SEPTIN1: variants seen among roughly 807,000 people sequenced by gnomAD.
The protein encoded by SEPTIN1 is septin-1.
SEPTIN1 carries 52 observed loss-of-function variants against 50.7 expected under a neutral mutation model. The observed-to-expected ratio is 1.03, with a 90% CI of 0.82 to 1.29. The LOEUF (loss-of-function observed/expected upper bound fraction) is 1.29, where lower values mean the gene tolerates loss of function less well. SEPTIN1 is among the 50% of genes most tolerant of loss of function. SEPTIN1 has a pLI of 0.00. For missense variants in SEPTIN1, 455 were observed against 490.7 expected (o/e 0.93, Z 0.69); for synonymous variants, 204 against 189.1 (o/e 1.08, Z -0.65).
intron 7 of SEPTIN1, 29 bp downstream of exon 7, chr16:30,379,903 G>A (rs369810763): frequency 1.4e-4 from 182 of 1,272,422 alleles, no homozygotes; most frequent in Non-Finnish European, 1.8e-4. Context: ...CACCGTGCCC[G>A]GCCTGCCTTC....
Position 30,382,106 on chromosome 16 carries a change from C to T in SEPTIN1, c.183G>A (p.Val61=), listed in dbSNP as rs1230337167. 1.3e-6 allele frequency: 2 copies of T among 1,580,556 alleles called. No homozygotes were observed. Among genetic ancestry groups the T allele is most frequent in the African/African-American group, 1.4e-5 (1 of 73,986 alleles). ...FLTNLYEDRQ[V]PEASARLTQT... is the part of the protein sequence containing the mutation. The stretch of plus-strand genomic sequence containing the variant: ...GGAGGGTCTTACCACTGGCCTCTGG[C>T]ACCTGGCGATCCTCATAGAGGTTGG... The change falls in exon 3 of 11, where the codon GTG becomes GTA. Residue 61 remains valine, a synonymous_variant. Transcript: ENST00000321367. This position sits in a 1 kb window ranked among gnomAD's most constrained non-coding sequence, Gnocchi z 4.8.
rs778464897 is a variant in SEPTIN1 at position 30,380,047 on chromosome 16, G to T, written c.574-14C>A. The T allele has an allele frequency of 3.1e-6, 5 of 1,602,902 alleles. No individual in the cohort carries two copies. The Admixed American group carries it at 6.8e-5, about 22-fold the overall frequency. On this transcript the variant is annotated splice_polypyrimidine_tract_variant and intron_variant, in intron 6 of 10. Coordinates refer to ENST00000321367, the MANE Select transcript of SEPTIN1 (RefSeq NM_001365977.2). ...CTGATCCCGGATCTCAGGGGAAACA[G>T]ATATAGAGACAGTGTGAAACGGGCC...
chr16:30,380,139 A>G (rs1323576888), intron 6 of SEPTIN1, 106 bp from the exon 7 acceptor site: 7 of 879,152 alleles, frequency 8.0e-6, no homozygotes, highest in Non-Finnish European at 1.2e-5. Flanking sequence ...AGAGACAGAG[A>G]GAAAGACATG....
Position 30,381,570 on chromosome 16 carries a change from GCTCC to G in SEPTIN1, c.321-101_321-98del. Reference sequence around the variant, plus strand: ...GTGGGAGTAGAATGTCATTTCTTTGGCTCCCTCCAAAGACATTAAGGGGAACTGG... The same window carrying G: ...GTGGGAGTAGAATGTCATTTCTTTGGCTCCAAAGACATTAAGGGGAACTGG... On this transcript the variant is annotated intron_variant, in intron 4 of 10. Transcript: ENST00000321367. The surrounding 1 kb of genome is among the most constrained non-coding windows in gnomAD (Gnocchi z 4.3). The G allele has an allele frequency of 1.3e-6, 2 of 1,528,800 alleles. No homozygotes were observed. The highest frequency in any genetic ancestry group is 1.2e-5 in the South Asian group (1 of 84,962). 94.7% of individuals were successfully genotyped at this position (1,528,800 alleles called of 1,614,324 possible). A position where few individuals can be genotyped will look rare whatever the true frequency, so the allele number is the denominator to read the frequency against.
chr16:30,382,596 C>T (rs111542325), upstream of SEPTIN1: 29 of 1,559,964 alleles, frequency 1.9e-5, no homozygotes, highest in African/African-American at 6.8e-5. The surrounding 1 kb of genome is among the most constrained non-coding windows in gnomAD (Gnocchi z 4.8). Flanking sequence ...AAGCTGAGTG[C>T]GGCTAACAAG....
In SEPTIN1 at chr16:30,381,860, T is replaced by A. The variant is rs776374131; in HGVS notation, c.220A>T (p.Ile74Phe). The A allele has an allele frequency of 2.8e-5, 46 of 1,614,096 alleles. No homozygotes were observed. Among genetic ancestry groups the A allele is most frequent in the Non-Finnish European group, 3.8e-5 (45 of 1,179,998 alleles). Residue 74 changes from isoleucine to phenylalanine, a missense_variant, in exon 4 of 11, where the codon ATT (isoleucine) becomes TTT (phenylalanine). Physicochemically the swap from Ile to Phe is conservative, Grantham distance 21. Coordinates refer to ENST00000321367, the MANE Select transcript of SEPTIN1 (RefSeq NM_001365977.2). The surrounding 1 kb of genome is among the most constrained non-coding windows in gnomAD (Gnocchi z 4.3). ...ASARLTQTLA[I>F]ERRGVEIEEG... ...TCAATCTCTACGCCCCGGCGCTCAA[T>A]GGCCAGGGTCTGTGTCAAGCGAGCT...
chr16:30,381,939 TC>T lies in SEPTIN1; in HGVS notation c.197-57del. ...GGGAGGCTCTGAGGCAGAATTAATTTCCTTTGTCAATATCACAGTTGCCTGC... is the reference window on the plus strand; with the variant it reads ...GGGAGGCTCTGAGGCAGAATTAATTTCTTTGTCAATATCACAGTTGCCTGC... On this transcript the variant is annotated intron_variant, in intron 3 of 10. Transcript: ENST00000321367. This position sits in a 1 kb window ranked among gnomAD's most constrained non-coding sequence, Gnocchi z 4.3. 6.2e-7 allele frequency: 1 copy of T among 1,610,114 alleles called. No individual in the cohort carries two copies. The highest frequency in any genetic ancestry group is 2.2e-5 in the East Asian group (1 of 44,852).
In SEPTIN1 at chr16:30,381,653, CAG is replaced by C; in HGVS notation, c.320+105_320+106del. 1.3e-6 allele frequency: 2 copies of C among 1,539,158 alleles called. No individual in the cohort carries two copies. Among genetic ancestry groups the C allele is most frequent in the Non-Finnish European group, 1.8e-6 (2 of 1,138,204 alleles). ...ACAGGGACCCAGTGGCCCTCTGAAA[CAG>C]ACACCACCTTTTGAGATAGGGAGCC... On this transcript the variant is annotated intron_variant, in intron 4 of 10. Transcript: ENST00000321367. This position sits in a 1 kb window ranked among gnomAD's most constrained non-coding sequence, Gnocchi z 4.3.
Position 30,378,457 on chromosome 16 carries a change from C to T in SEPTIN1, c.1096G>A (p.Gly366Ser), listed in dbSNP as rs754556921. 5.7e-6 allele frequency: 9 copies of T among 1,574,892 alleles called. No homozygotes were observed. Among genetic ancestry groups the T allele is most frequent in the Non-Finnish European group, 5.1e-6 (6 of 1,165,864 alleles). Residue 366 changes from glycine (G) to serine (S), a missense_variant, in exon 11 of 11, where the codon GGC (glycine) becomes AGC (serine). Gly to Ser is a moderately conservative substitution (Grantham distance 56, BLOSUM62 0). Transcript: ENST00000321367. The part of the protein sequence containing the change: ...QAQMQQSQAQ[G>S]EQSDAL Reference sequence around the variant, plus strand: ...CCTCAGAGGGCGTCTGACTGCTCGCCCTGGGCCTGGCTCTGCTGCATTTGG... The same window carrying T: ...CCTCAGAGGGCGTCTGACTGCTCGCTCTGGGCCTGGCTCTGCTGCATTTGG...
chr16:30,381,112 G>A lies in SEPTIN1; in HGVS notation c.573+15C>T, dbSNP rs2049841026. On this transcript the variant is annotated intron_variant, in intron 6 of 10. Coordinates refer to ENST00000321367, the MANE Select transcript of SEPTIN1 (RefSeq NM_001365977.2). This position sits in a 1 kb window ranked among gnomAD's most constrained non-coding sequence, Gnocchi z 4.3. Reference sequence around the variant, plus strand: ...GCTTCACATGGGGTCAAAGGTCAGAGGTCATCACTCACACCTTCTGCTTGA... The same window carrying A: ...GCTTCACATGGGGTCAAAGGTCAGAAGTCATCACTCACACCTTCTGCTTGA... 1.3e-6 allele frequency: 2 copies of A among 1,593,678 alleles called. No individual in the cohort carries two copies. The highest frequency in any genetic ancestry group is 8.6e-7 in the Non-Finnish European group (1 of 1,161,354).
In SEPTIN1 at chr16:30,381,002, A is replaced by G. The variant is rs2049839234; in HGVS notation, c.573+125T>C. ...CGGCTTACCACCCGCCTTCCTCAGAAGCTTCTCCTACAATCTAGCCTGATG... is the reference window on the plus strand; with the variant it reads ...CGGCTTACCACCCGCCTTCCTCAGAGGCTTCTCCTACAATCTAGCCTGATG... On this transcript the variant is annotated intron_variant, in intron 6 of 10. Transcript: ENST00000321367. The surrounding 1 kb of genome is among the most constrained non-coding windows in gnomAD (Gnocchi z 4.3). 6 of 820,144 alleles carry G rather than the reference A, an allele frequency of 7.3e-6. No homozygotes were observed. The highest frequency in any genetic ancestry group is 1.2e-5 in the Non-Finnish European group (6 of 481,108). 50.8% of individuals were successfully genotyped at this position (820,144 alleles called of 1,614,324 possible). A position where few individuals can be genotyped will look rare whatever the true frequency, so the allele number is the denominator to read the frequency against.
At position 30,381,888 on chromosome 16, in the gene SEPTIN1, G is replaced by A; in HGVS notation, c.197-5C>T. 1 of 1,614,034 alleles carries A rather than the reference G, an allele frequency of 6.2e-7. No individual in the cohort carries two copies. Among genetic ancestry groups the A allele is most frequent in the Non-Finnish European group, 8.5e-7 (1 of 1,179,986 alleles). On this transcript the variant is annotated splice_region_variant and splice_polypyrimidine_tract_variant and intron_variant, in intron 3 of 10. Transcript: ENST00000321367. This position sits in a 1 kb window ranked among gnomAD's most constrained non-coding sequence, Gnocchi z 4.3. Reference sequence around the variant, plus strand: ...CCAGGGTCTGTGTCAAGCGAGCTGTGGGATGGGGGAGAGGTCAGGGATCCG... The same window carrying A: ...CCAGGGTCTGTGTCAAGCGAGCTGTAGGATGGGGGAGAGGTCAGGGATCCG...
chr16:30,378,958 G>A, intron 9 of SEPTIN1, 60 bp downstream of exon 9: 2 of 1,548,648 alleles, frequency 1.3e-6, no homozygotes, highest in Non-Finnish European at 1.8e-6. Flanking sequence ...AGTCCTCAGG[G>A]CGGGGTCATG....
Position 30,379,031 on chromosome 16 carries a change from G to T in SEPTIN1, c.928C>A (p.Arg310=). The T allele has an allele frequency of 6.2e-7, 1 of 1,612,782 alleles. No individual in the cohort carries two copies. Residue 310 remains arginine, a synonymous_variant, in exon 9 of 11, where the codon CGA becomes AGA. Transcript: ENST00000321367. ...QSLARPGARD[R]ASRSKLSRQS... ...CCCGGGTCTCACCTGCGGCTGGCTC[G>T]ATCGCGAGCCCCAGGCCGGGCCAGG...
intron 8 of SEPTIN1, 99 bp from the exon 9 acceptor site, chr16:30,379,282 G>T: frequency 6.6e-7 from 1 of 1,521,716 alleles, no homozygotes; most frequent in East Asian, 2.3e-5. Flanking sequence ...TGCCACTCTA[G>T]CGGAGGGTCC....
chr16:30,378,847 AGAGAGGGG>A, intron 9 of SEPTIN1, 147 bp from the exon 10 acceptor site: 1 of 530,494 alleles, frequency 1.9e-6, no homozygotes, highest in Non-Finnish European at 3.1e-6. Context: ...GCGGGTGGGG[AGAGAGGGG>A]GAGAGAGGGA....
Position 30,381,344 on chromosome 16 carries a change from G to A in SEPTIN1, c.450C>T (p.Gly150=), listed in dbSNP as rs1477063463. The A allele has an allele frequency of 1.9e-6, 3 of 1,612,162 alleles. No individual in the cohort carries two copies. The highest frequency in any genetic ancestry group is 4.5e-5 in the East Asian group (2 of 44,860). The change falls in exon 5 of 11, where the codon GGC becomes GGT. Residue 150 remains glycine (G), a synonymous_variant. Transcript: ENST00000321367. The surrounding 1 kb of genome is among the most constrained non-coding windows in gnomAD (Gnocchi z 4.3). ...CCAGGATCCCCCCACCAGACCCCCG[G>A]CCGAAGGGTGAGATGAAGTAGAGGC... ...HCCLYFISPF[G]RGLRPLDVAF... is the part of the protein sequence containing the mutation.
Position 30,378,694 on chromosome 16 carries a change from A to G in SEPTIN1, c.948T>C (p.Leu316=), listed in dbSNP as rs2049789243. Residue 316 remains leucine, a synonymous_variant, in exon 10 of 11, where the codon CTT becomes CTC. Transcript: ENST00000321367. ...GARDRASRSK[L]SRQSATEIPL... is the part of the protein sequence containing the mutation. ...GGATCTCTGTGGCGCTCTGGCGGGA[A>G]AGCTTACTGCGGGACAGTGGGAAGG... The G allele has an allele frequency of 1.2e-6, 2 of 1,606,642 alleles. No individual in the cohort carries two copies. The highest frequency in any genetic ancestry group is 2.2e-5 in the South Asian group (2 of 91,002).
At position 30,381,598 on chromosome 16, in the gene SEPTIN1, G is replaced by T; in HGVS notation, c.321-125C>A. 1 of 1,461,766 alleles carries T rather than the reference G, an allele frequency of 6.8e-7. No individual in the cohort carries two copies. Among genetic ancestry groups the T allele is most frequent in the Non-Finnish European group, 9.4e-7 (1 of 1,063,888 alleles). 90.5% of individuals were successfully genotyped at this position (1,461,766 alleles called of 1,614,324 possible). A position where few individuals can be genotyped will look rare whatever the true frequency, so the allele number is the denominator to read the frequency against. On this transcript the variant is annotated intron_variant, in intron 4 of 10. Coordinates refer to ENST00000321367, the MANE Select transcript of SEPTIN1 (RefSeq NM_001365977.2). The surrounding 1 kb of genome is among the most constrained non-coding windows in gnomAD (Gnocchi z 4.3). ...CCCTCCAAAGACATTAAGGGGAACT[G>T]GTGGGGGCCTAGGTGAGTCATCAAG...
Sources: gnomAD v4.1 joint callset for allele counts on GRCh38, gnomAD v4.1.1 for gene constraint, Gnocchi (gnomAD v3.1) non-coding constraint, MANE v1.5 for transcripts, NCBI Gene and HGNC (gene_info 2026-07-23, HGNC 2026-07-21) for gene names.